The following NEGR1 variants were observed in gnomAD, a reference collection of about 807,000 sequenced individuals.
NEGR1 encodes IgLON family member 4.
NEGR1 carries 10 observed loss-of-function variants against 40.9 expected under a neutral mutation model. The ratio of observed to expected loss-of-function variants is 0.24; its 90% CI spans 0.15 to 0.42. NEGR1 has a LOEUF of 0.42. Ranked by LOEUF, NEGR1 falls within the 10% of genes least tolerant of loss-of-function variation. The pLI is 1.00. For synonymous variants in NEGR1, 185 were observed against 166.8 expected, an observed-to-expected ratio of 1.11 and a Z score of -0.84; for missense variants, 352 against 438.9, an observed-to-expected ratio of 0.80 and a Z score of 1.77.
intron 1 of NEGR1, among the ~76,000 whole-genome samples, chr1:72,154,100 A>T (rs1362625426): frequency 6.6e-6 from 1 of 151,842 alleles, no homozygotes; most frequent in Non-Finnish European, 1.5e-5. Context: ...TAACCTGGAT[A>T]GATTTGGGCC....
intron 6 of NEGR1, among the ~76,000 whole-genome samples, chr1:71,454,988 G>A (rs546966655): frequency 2.0e-5 from 3 of 152,138 alleles, no homozygotes; most frequent in Admixed American, 1.3e-4. Context: ...CAGATCCCAC[G>A]GCGATCACTT....
At chr1:71,719,376 T>A (rs1654378457) in intron 3 of NEGR1, among the ~76,000 whole-genome samples, 1 of 151,964 alleles carries the variant, frequency 6.6e-6, no homozygotes, top group Non-Finnish European at 1.5e-5. Flanking sequence ...AAGGAATAAA[T>A]ATACAAAAAA....
rs1039780773 is a variant in NEGR1 at position 71,404,164 on chromosome 1, AT to A, written c.*3281del. 0.02 allele frequency: 2,760 copies of A among 134,966 alleles called. 61 individuals are homozygous for A. Among genetic ancestry groups the A allele is most frequent in the African/African-American group, 0.062 (2,003 of 32,136 alleles). The allele number at this position is 134,966 out of a possible 1,614,324, so 8.4% of individuals were successfully genotyped here. ...TGTAGGGGTATTTATATATATATAT[AT>A]TTTTTTTTTTCCCTGAATTACCTGG... On this transcript the variant is annotated 3_prime_UTR_variant, in exon 7 of 7. Coordinates refer to ENST00000357731, the MANE Select transcript of NEGR1 (RefSeq NM_173808.3).
Position 71,693,532 on chromosome 1 carries a change from T to C in NEGR1, c.667+4476A>G, listed in dbSNP as rs114746782. 6.0e-3 allele frequency among the ~76,000 whole-genome samples: 913 copies of C among 151,632 alleles called. 16 individuals are homozygous for C. The highest frequency in any genetic ancestry group is 0.02 in the African/African-American group (849 of 41,488). On this transcript the variant is annotated intron_variant, in intron 4 of 6. Coordinates refer to ENST00000357731, the MANE Select transcript of NEGR1 (RefSeq NM_173808.3). ...CAGTTCACTTACATTCACATATATG[T>C]ATATATTTATAACATTTATACATTT...
chr1:71,734,472 A>C (rs550013759), intron 3 of NEGR1, among the ~76,000 whole-genome samples: 3 of 152,304 alleles, frequency 2.0e-5, no homozygotes, highest in Non-Finnish European at 4.4e-5. Flanking sequence ...GAGCTCAATA[A>C]GTAATTGTTA....
intron 3 of NEGR1, among the ~76,000 whole-genome samples, chr1:71,751,977 A>T (rs377061058): frequency 1.1e-4 from 16 of 152,334 alleles, no homozygotes; most frequent in African/African-American, 3.8e-4. Flanking sequence ...GTCATTGGTT[A>T]ACTGGATTGG....
intron 6 of NEGR1, among the ~76,000 whole-genome samples, chr1:71,503,770 G>A (rs999074958): frequency 6.6e-6 from 1 of 151,946 alleles, no homozygotes; most frequent in Non-Finnish European, 1.5e-5. Context: ...CTAGGACCCA[G>A]CTTTTACACA....
intron 2 of NEGR1, among the ~76,000 whole-genome samples, chr1:71,789,426 C>G (rs989415568): frequency 6.6e-6 from 1 of 152,060 alleles, no homozygotes; most frequent in African/African-American, 2.4e-5. Flanking sequence ...TAGTCTTTAA[C>G]ACATTCATTT....
intron 1 of NEGR1, among the ~76,000 whole-genome samples, chr1:72,232,583 T>C (rs1654401910): frequency 6.6e-6 from 1 of 152,130 alleles, no homozygotes; most frequent in Non-Finnish European, 1.5e-5. Context: ...AAAACTATGT[T>C]GTGACAGGTT....
chr1:72,222,203 G>C (rs1654035241), intron 1 of NEGR1, among the ~76,000 whole-genome samples: 1 of 152,052 alleles, frequency 6.6e-6, no homozygotes, highest in Non-Finnish European at 1.5e-5. Flanking sequence ...GTGGATACAG[G>C]CTGCAGGCTC....
At chr1:71,827,716 T>C (rs1453984322) in intron 2 of NEGR1, among the ~76,000 whole-genome samples, 3 of 151,904 alleles carry the variant, frequency 2.0e-5, no homozygotes, top group Non-Finnish European at 4.4e-5. Flanking sequence ...GAATTTTTGC[T>C]TTTTTGTTTT....
chr1:71,907,062 T>C (rs1040760597), intron 2 of NEGR1, among the ~76,000 whole-genome samples: 1 of 152,180 alleles, frequency 6.6e-6, no homozygotes, highest in Non-Finnish European at 1.5e-5. Flanking sequence ...GTCAGTCCTC[T>C]TCCCCTCTCT....
chr1:71,756,200 A>G (rs1655726212), intron 3 of NEGR1, among the ~76,000 whole-genome samples: 1 of 152,116 alleles, frequency 6.6e-6, no homozygotes, highest in Non-Finnish European at 1.5e-5. Flanking sequence ...TTAGTTAGCC[A>G]TTGTTCCTCT....
intron 4 of NEGR1, among the ~76,000 whole-genome samples, chr1:71,657,363 T>A (rs1031482399): frequency 7.2e-5 from 11 of 152,218 alleles, no homozygotes; most frequent in Admixed American, 2.6e-4. Flanking sequence ...GGGAATTAAA[T>A]TCTCATGTTT....
intron 1 of NEGR1, among the ~76,000 whole-genome samples, chr1:72,111,599 A>T (rs1039175162): frequency 1.3e-5 from 2 of 151,848 alleles, no homozygotes; most frequent in African/African-American, 4.8e-5. Context: ...ATTCACAAAG[A>T]TATCAGAGTT....
chr1:72,257,865 T>C (rs1182375936), intron 1 of NEGR1, among the ~76,000 whole-genome samples: 1 of 152,164 alleles, frequency 6.6e-6, no homozygotes, highest in African/African-American at 2.4e-5. Flanking sequence ...TACTTAAGAA[T>C]CTCTTCCCCC....
chr1:71,978,674 C>T (rs1010314507), intron 1 of NEGR1, among the ~76,000 whole-genome samples: 10 of 151,876 alleles, frequency 6.6e-5, no homozygotes, highest in Non-Finnish European at 1.2e-4. Context: ...TCACACCAGT[C>T]AGAAAGGTTA....
intron 1 of NEGR1, among the ~76,000 whole-genome samples, chr1:72,268,024 G>A (rs2100554145): frequency 6.6e-6 from 1 of 151,398 alleles, no homozygotes; most frequent in South Asian, 2.1e-4. Context: ...AACAATATGT[G>A]TGAGGTCGCC....
chr1:71,457,367 A>G (rs1350735150), intron 6 of NEGR1, among the ~76,000 whole-genome samples: 1 of 152,236 alleles, frequency 6.6e-6, no homozygotes, highest in Admixed American at 6.5e-5. Context: ...TTCAATTTTC[A>G]ATATTTTCCC....
Sources: gnomAD v4.1 joint callset for allele counts (sites outside exome capture counted in the v4.1 genomes callset) on GRCh38, gnomAD v4.1.1 for gene constraint, MANE v1.5 for transcripts, NCBI Gene and HGNC (gene_info 2026-07-23, HGNC 2026-07-21) for gene names.